The following COL13A1 variants were observed in gnomAD, a reference collection of about 807,000 sequenced individuals.
The protein encoded by COL13A1 is collagen type XIII alpha 1 chain.
Under a neutral mutation model 130.9 loss-of-function variants are expected in COL13A1, and 89 were observed. The ratio of observed to expected loss-of-function variants is 0.68; its 90% CI spans 0.57 to 0.81. COL13A1 has a LOEUF of 0.81. Among genes scored for constraint, COL13A1 ranks in the 30% least tolerant of loss-of-function variants. The pLI, the probability that COL13A1 is intolerant of heterozygous loss-of-function variation, is 0.00. For missense variants in COL13A1, 879 were observed against 934.6 expected (o/e 0.94, Z 0.78); for synonymous variants, 402 against 341.6 (o/e 1.18, Z -1.95).
chr10:69,927,698 T>C (rs2065558433), intron 27 of COL13A1, among the ~76,000 whole-genome samples: 1 of 152,192 alleles, frequency 6.6e-6, no homozygotes, highest in Admixed American at 6.5e-5. Flanking sequence ...GTTCTCTGAC[T>C]ACTGAAATTT....
At chr10:69,823,940 G>A (rs1054324207) in intron 2 of COL13A1, among the ~76,000 whole-genome samples, 1 of 152,182 alleles carries the variant, frequency 6.6e-6, no homozygotes, top group African/African-American at 2.4e-5. Flanking sequence ...AGGGCTCATG[G>A]GACAGCCCAT....
In COL13A1 at chr10:69,921,928, G is replaced by A. The variant is rs762568983; in HGVS notation, c.1136G>A (p.Gly379Glu). ...EGSPGLPGLL[G>E]QKGEKGDAGN... The stretch of plus-strand genomic sequence containing the variant: ...TCCCCTGGGCTTCCTGGCCTCCTGG[G>A]GCAGAAGGTAGGTGTTGCTCTGAAT... The change falls in exon 22 of 41, where the codon GGG becomes GAG. Residue 379 changes from glycine to glutamate, a missense_variant. Gly to Glu is a moderately conservative substitution (Grantham distance 98). Coordinates refer to ENST00000645393, the MANE Select transcript of COL13A1 (RefSeq NM_001368882.1). 7.5e-6 allele frequency: 12 copies of A among 1,605,158 alleles called. No homozygotes were observed. Among genetic ancestry groups the A allele is most frequent in the Non-Finnish European group, 4.3e-6 (5 of 1,176,174 alleles).
chr10:69,928,336 T>G (rs2065651698), intron 27 of COL13A1, among the ~76,000 whole-genome samples: 1 of 152,190 alleles, frequency 6.6e-6, no homozygotes, highest in South Asian at 2.1e-4. Context: ...CTAGAAAGTT[T>G]CTTCATGCAC....
chr10:69,861,366 G>A (rs1222138198), intron 2 of COL13A1, among the ~76,000 whole-genome samples: 1 of 152,166 alleles, frequency 6.6e-6, no homozygotes, highest in Non-Finnish European at 1.5e-5. Context: ...GGGACCTCCT[G>A]GGGCCAGGGC....
chr10:69,811,559 G>C (rs1233273656), intron 1 of COL13A1, among the ~76,000 whole-genome samples: 1 of 152,168 alleles, frequency 6.6e-6, no homozygotes, highest in Non-Finnish European at 1.5e-5. Flanking sequence ...GGGAAGCTCT[G>C]TGACATGGGA....
chr10:69,958,245 C>A (rs191800492), intron 40 of COL13A1, among the ~76,000 whole-genome samples: 2 of 152,262 alleles, frequency 1.3e-5, no homozygotes, highest in East Asian at 1.9e-4. Context: ...GACCTCTGAA[C>A]CCTTGACCCC....
intron 2 of COL13A1, among the ~76,000 whole-genome samples, chr10:69,827,715 CCA>C (rs1437997228): frequency 6.6e-6 from 1 of 152,152 alleles, no homozygotes; most frequent in East Asian, 1.9e-4. Context: ...GGTTGTTTTT[CCA>C]CAGCTGATGA....
intron 25 of COL13A1, 131 bp from the exon 26 acceptor site, chr10:69,925,673 C>T: frequency 3.1e-6 from 2 of 654,410 alleles, no homozygotes; most frequent in Non-Finnish European, 5.5e-6. Flanking sequence ...TCCCCAGGGC[C>T]CCGCTGGCTG....
intron 1 of COL13A1, among the ~76,000 whole-genome samples, chr10:69,820,236 T>G (rs1201224416): frequency 6.6e-6 from 1 of 152,218 alleles, no homozygotes; most frequent in African/African-American, 2.4e-5. Context: ...GTTATGCCCC[T>G]CTAGGGGTGT....
At chr10:69,824,784 A>T (rs1847083019) in intron 2 of COL13A1, among the ~76,000 whole-genome samples, 2 of 152,236 alleles carry the variant, frequency 1.3e-5, no homozygotes. Flanking sequence ...CTAAAAAGGC[A>T]GTTTGGCCCA....
At chr10:69,802,832 G>T in intron 1 of COL13A1, 115 bp downstream of exon 1, 2 of 1,365,330 alleles carry the variant, frequency 1.5e-6, no homozygotes, top group East Asian at 4.9e-5. Context: ...CCAGGTTCGC[G>T]CGAGTTGCCT....
intron 2 of COL13A1, among the ~76,000 whole-genome samples, chr10:69,835,503 G>T (rs189468550): frequency 2.2e-4 from 34 of 152,182 alleles, no homozygotes; most frequent in African/African-American, 7.9e-4. Flanking sequence ...AGGCGACTTG[G>T]GTGGCCTCTG....
chr10:69,875,212 C>T (rs374159128), intron 5 of COL13A1, 49 bp downstream of exon 5: 87 of 1,610,326 alleles, frequency 5.4e-5, no homozygotes, highest in African/African-American at 1.1e-4. Context: ...CTTGCTTCTC[C>T]GTGCTGGCCT....
At chr10:69,915,211 A>G (rs1274672526) in intron 17 of COL13A1, among the ~76,000 whole-genome samples, 1 of 152,230 alleles carries the variant, frequency 6.6e-6, no homozygotes, top group Non-Finnish European at 1.5e-5. Context: ...GAGATGGAAG[A>G]GAGGAAGGTT....
chr10:69,834,639 G>T (rs1849589134), intron 2 of COL13A1, among the ~76,000 whole-genome samples: 1 of 152,222 alleles, frequency 6.6e-6, no homozygotes, highest in South Asian at 2.1e-4. Context: ...TTCAGGGTTT[G>T]CCTGAGGTCC....
chr10:69,928,651 C>T (rs1239792772), intron 27 of COL13A1, among the ~76,000 whole-genome samples: 4 of 152,140 alleles, frequency 2.6e-5, no homozygotes, highest in Non-Finnish European at 4.4e-5. Flanking sequence ...GACTTAGCTT[C>T]TTGGAGCCCA....
chr10:69,919,691 G>C lies in COL13A1; in HGVS notation c.1053G>C (p.Pro351=). The change falls in exon 21 of 41, where the codon CCG becomes CCC. Residue 351 remains proline, a synonymous_variant. Coordinates refer to ENST00000645393, the MANE Select transcript of COL13A1 (RefSeq NM_001368882.1). ...TKGDPGAEGK[P]GPPGLLGKRG... ...GAGACCCAGGAGCAGAAGGGAAGCC[G>C]GGGCCCCCAGGTTTGCTGGGAAAGA... is the stretch of plus-strand genomic sequence containing the variant. The C allele has an allele frequency of 2.5e-6, 1 of 398,810 alleles. No homozygotes were observed. Among genetic ancestry groups the C allele is most frequent in the South Asian group, 1.3e-4 (1 of 7,864 alleles). The allele number at this position is 398,810 out of a possible 1,614,324, so 24.7% of individuals were successfully genotyped here.
intron 2 of COL13A1, among the ~76,000 whole-genome samples, chr10:69,850,927 A>C (rs908787978): frequency 6.6e-6 from 1 of 152,234 alleles, no homozygotes; most frequent in Non-Finnish European, 1.5e-5. Context: ...GAGGACTGAC[A>C]TCTGAGAGCT....
intron 2 of COL13A1, among the ~76,000 whole-genome samples, chr10:69,864,148 GT>G (rs542394686): frequency 2.4e-4 from 36 of 152,240 alleles, no homozygotes; most frequent in Admixed American, 1.3e-3. Context: ...TAAGAGCAAG[GT>G]GACCACCTTA....
Sources: allele counts gnomAD v4.1 joint callset (sites outside exome capture counted in the v4.1 genomes callset), GRCh38; gene constraint gnomAD v4.1.1; transcripts MANE v1.5; gene names NCBI Gene and HGNC (gene_info 2026-07-23, HGNC 2026-07-21).